Variants in KLC4 observed in about 807,000 individuals in gnomAD.
KLC4 encodes the protein kinesin-like protein 8.
In KLC4, 49 loss-of-function variants were observed where a neutral mutation model predicts 77.2. That is an observed-to-expected ratio of 0.63 (90% CI 0.50 to 0.80). The LOEUF is 0.80. KLC4 is among the 30% of genes least tolerant of loss of function. The probability of loss-of-function intolerance (pLI) is 0.00; values close to 1 mark genes in which losing one functional copy is unlikely to be tolerated. For missense variants in KLC4, 669 were observed against 793.5 expected (o/e 0.84, Z 1.89); for synonymous variants, 274 against 314.5 (o/e 0.87, Z 1.36).
intron 1 of KLC4, chr6:43,061,040 C>T (rs1181472889): frequency 2.2e-6 from 1 of 447,604 alleles, no homozygotes; most frequent in Non-Finnish European, 4.0e-6. Flanking sequence ...TTCCTAAGTC[C>T]TAAATCCTTC....
At chr6:43,074,262 AT>A in intron 15 of KLC4, 2 of 459,644 alleles carry the variant, frequency 4.4e-6, no homozygotes, top group Non-Finnish European at 3.8e-6. Flanking sequence ...GATACGAATT[AT>A]TTTTTCATCC....
rs1384280383 is a variant in KLC4, at chr6:43,070,334, G to A, written c.880-20G>A. 1.3e-6 allele frequency: 2 copies of A among 1,581,934 alleles called. No individual in the cohort carries two copies. The highest frequency in any genetic ancestry group is 1.7e-5 in the Admixed American group (1 of 59,932). On this transcript the variant is annotated intron_variant, in intron 6 of 15. Transcript: ENST00000347162. ...CTTTTGCAACCCAAATGTCTGATGGGGACAGGCCTGTCTTCATAGGTGGCT... is the reference window on the plus strand; with the variant it reads ...CTTTTGCAACCCAAATGTCTGATGGAGACAGGCCTGTCTTCATAGGTGGCT...
At chr6:43,067,937 C>A (rs1273338784) in intron 6 of KLC4, among the ~76,000 whole-genome samples, 1 of 114,610 alleles carries the variant, frequency 8.7e-6, no homozygotes, top group East Asian at 2.5e-4. Context: ...ACGGTGAAAC[C>A]CCGTCTCTAC....
rs778431504 is a variant in KLC4, at chr6:43,061,395, G to A, written c.60G>A (p.Glu20=). 13 of 1,614,050 alleles carry A rather than the reference G, an allele frequency of 8.1e-6. 1 individual carries two copies. The Admixed American group carries it at 2.0e-4, about 25-fold the overall frequency. ...CTGCAGGCCACCGGCTCAGCCAAGA[G>A]GAGATCCTGGGGAGCACACGGCTGG... ...DEPAGHRLSQ[E]EILGSTRLVS... Residue 20 remains glutamate (E), a synonymous_variant, in exon 2 of 16, where the codon GAG becomes GAA. Transcript: ENST00000347162.
At chr6:43,065,817 T>A (rs1765394592) in intron 4 of KLC4, 116 bp downstream of exon 4, 1 of 703,810 alleles carries the variant, frequency 1.4e-6, no homozygotes, top group South Asian at 1.7e-5. Context: ...CCACTTTCTC[T>A]GGAGACAGGG....
intron 10 of KLC4, 92 bp from the exon 11 acceptor site, chr6:43,071,760 C>A: frequency 8.7e-6 from 13 of 1,490,782 alleles, no homozygotes; most frequent in Non-Finnish European, 1.2e-5. Context: ...CCAGCCTGCA[C>A]CCTAGCCCCA....
Position 43,061,595 on chromosome 6 carries a change from TGA to T in KLC4, c.258+6_258+7del, listed in dbSNP as rs779140428. On this transcript the variant is annotated splice_donor_region_variant and intron_variant, in intron 2 of 15. Transcript: ENST00000347162. ...GAGCTCGGGCTGAGTGAGGCCCAGG[TGA>T]GAGGGCAAAGGTGGTGCCAAGTGGT... 1 of 1,607,018 alleles carries T rather than the reference TGA, an allele frequency of 6.2e-7. No homozygotes were observed. Among genetic ancestry groups the T allele is most frequent in the Admixed American group, 1.7e-5 (1 of 59,844 alleles).
chr6:43,072,235 G>A lies in KLC4; in HGVS notation c.1468G>A (p.Ala490Thr). Residue 490 changes from alanine to threonine, a missense_variant, in exon 12 of 16, where the codon GCC (alanine) becomes ACC (threonine). By Grantham distance (58) the Ala-to-Thr change is moderately conservative (BLOSUM62 0). Transcript: ENST00000347162. ...GGCTGCTGAGACCCTGGAGGAATGTGCCCTGCGGTCCCGGAGACAGGTCAG... is the reference window on the plus strand; with the variant it reads ...GGCTGCTGAGACCCTGGAGGAATGTACCCTGCGGTCCCGGAGACAGGTCAG... ...LEAAETLEEC[A>T]LRSRRQGTDP... The A allele has an allele frequency of 1.9e-6, 3 of 1,614,080 alleles. No individual in the cohort carries two copies. Among genetic ancestry groups the A allele is most frequent in the South Asian group, 1.1e-5 (1 of 91,066 alleles).
Position 43,070,878 on chromosome 6 carries a change from G to A in KLC4, c.1155+13G>A. 1 of 1,331,732 alleles carries A rather than the reference G, an allele frequency of 7.5e-7. No individual in the cohort carries two copies. 82.5% of individuals were successfully genotyped at this position (1,331,732 alleles called of 1,614,324 possible). A position where few individuals can be genotyped will look rare whatever the true frequency, so the allele number is the denominator to read the frequency against. On this transcript the variant is annotated intron_variant, in intron 8 of 15. Coordinates refer to ENST00000347162, the MANE Select transcript of KLC4 (RefSeq NM_201521.3). The stretch of plus-strand genomic sequence containing the variant: ...CAAGAACAACCTGGTATGGGAGGAG[G>A]GACAAAGTAGGTGGAAGAAACGGAG...
chr6:43,067,115 C>T (rs1278149029), intron 6 of KLC4, 32 bp downstream of exon 6: 11 of 1,606,818 alleles, frequency 6.8e-6, no homozygotes, highest in Middle Eastern at 1.8e-4. Flanking sequence ...CACCCCACGC[C>T]CCGCACCCCC....
rs376011852 is a variant in KLC4, at chr6:43,062,880, AC to A, written c.259-34del. 8.9e-4 allele frequency: 1,408 copies of A among 1,574,614 alleles called. 12 individuals carry two copies. The African/African-American group carries it at 0.014, about 16-fold the overall frequency. On this transcript the variant is annotated intron_variant, in intron 2 of 15. Coordinates refer to ENST00000347162, the MANE Select transcript of KLC4 (RefSeq NM_201521.3). ...CTTCCACCTGTTCCTGAATACTCCC[AC>A]CCAGAATCTGGAGCTCAGGGGATGT...
At chr6:43,073,499 T>C (rs1008651487) in intron 14 of KLC4, 161 bp downstream of exon 14, 2 of 546,088 alleles carry the variant, frequency 3.7e-6, no homozygotes, top group East Asian at 3.2e-5. Flanking sequence ...ATACAAAAAT[T>C]AGTCGGGTGT....
chr6:43,065,246 G>T (rs1219195559), intron 3 of KLC4: 1 of 164,290 alleles, frequency 6.1e-6, no homozygotes, highest in Non-Finnish European at 1.3e-5. Flanking sequence ...GGCTAATTTT[G>T]TATTTCTAGT....
chr6:43,070,240 T>C, intron 6 of KLC4, 114 bp from the exon 7 acceptor site: 1 of 674,426 alleles, frequency 1.5e-6, no homozygotes, highest in Non-Finnish European at 2.6e-6. Context: ...TAGTAGACTT[T>C]GTCTCTTAGA....
In KLC4 at chr6:43,061,401, C is replaced by T; in HGVS notation, c.66C>T (p.Ile22=). ...GCCACCGGCTCAGCCAAGAGGAGAT[C>T]CTGGGGAGCACACGGCTGGTCAGCC... is the stretch of plus-strand genomic sequence containing the variant. ...PAGHRLSQEE[I]LGSTRLVSQG... Residue 22 remains isoleucine, a synonymous_variant, in exon 2 of 16, where the codon ATC becomes ATT. Coordinates refer to ENST00000347162, the MANE Select transcript of KLC4 (RefSeq NM_201521.3). 1.2e-6 allele frequency: 2 copies of T among 1,614,034 alleles called. No homozygotes were observed. The highest frequency in any genetic ancestry group is 1.7e-6 in the Non-Finnish European group (2 of 1,180,042).
chr6:43,067,112 C>T (rs4714660), intron 6 of KLC4, 29 bp downstream of exon 6: 102,403 of 1,585,542 alleles, frequency 0.065, 4,730 homozygotes, highest in African/African-American at 0.19. Flanking sequence ...CCCCACCCCA[C>T]GCCCCGCACC....
At chr6:43,073,525 T>C in intron 14 of KLC4, 187 bp downstream of exon 14, 1 of 538,970 alleles carries the variant, frequency 1.9e-6, no homozygotes, top group Non-Finnish European at 3.3e-6. Context: ...CAGGTGCCTG[T>C]AATCTCAGCT....
intron 6 of KLC4, 126 bp from the exon 7 acceptor site, chr6:43,070,228 G>A: frequency 3.2e-6 from 2 of 626,830 alleles, no homozygotes; most frequent in Non-Finnish European, 5.6e-6. Flanking sequence ...CTGGCTCCAG[G>A]GTAGTAGACT....
At chr6:43,066,925 T>C in intron 5 of KLC4, 71 bp from the exon 6 acceptor site, 1 of 1,564,776 alleles carries the variant, frequency 6.4e-7, no homozygotes, top group Non-Finnish European at 8.7e-7. Flanking sequence ...ACTCAGTCCT[T>C]CCAAAGGGAA....
Sources: gnomAD v4.1 joint callset for allele counts (sites outside exome capture counted in the v4.1 genomes callset) on GRCh38, gnomAD v4.1.1 for gene constraint, MANE v1.5 for transcripts, NCBI Gene and HGNC (gene_info 2026-07-23, HGNC 2026-07-21) for gene names.